DCC: variants seen among roughly 807,000 people sequenced by gnomAD.
DCC encodes the protein DCC netrin 1 receptor, also known as netrin receptor DCC.
A neutral mutation model predicts 172.5 loss-of-function variants in DCC; 58 were observed. The ratio of observed to expected loss-of-function variants is 0.34; its 90% CI spans 0.27 to 0.42. DCC has a LOEUF of 0.42. Ranked by LOEUF, DCC falls within the 10% of genes least tolerant of loss-of-function variation. The probability of loss-of-function intolerance (pLI) is 1.00; values close to 1 mark genes in which losing one functional copy is unlikely to be tolerated. For synonymous variants in DCC, 709 were observed against 644.5 expected, an observed-to-expected ratio of 1.10 and a Z score of -1.52; for missense variants, 1,740 against 1,791.0, an observed-to-expected ratio of 0.97 and a Z score of 0.51.
At chr18:52,965,965 A>G (rs755554468) in intron 5 of DCC, among the ~76,000 whole-genome samples, 2 of 152,184 alleles carry the variant, frequency 1.3e-5, no homozygotes, top group Non-Finnish European at 2.9e-5. Context: ...AGTACATTCA[A>G]TAAACTCCAC....
chr18:53,175,694 A>G lies in DCC; in HGVS notation c.1419-3268A>G, dbSNP rs1201951865. ...AATCAAAGAGGATACAAACAAATGG[A>G]AGAACATTCCATGCTCATGGGTAGG... is the stretch of plus-strand genomic sequence containing the variant. On this transcript the variant is annotated intron_variant, in intron 8 of 28. Transcript: ENST00000442544. Among the ~76,000 whole-genome samples, 5 of 152,166 alleles carry G rather than the reference A, an allele frequency of 3.3e-5. No individual in the cohort carries two copies. The East Asian group carries it at 9.6e-4, about 29-fold the overall frequency.
chr18:52,649,799 A>G (rs1253917432), intron 1 of DCC, among the ~76,000 whole-genome samples: 2 of 152,182 alleles, frequency 1.3e-5, no homozygotes, highest in Non-Finnish European at 2.9e-5. Flanking sequence ...TGTGGTACAC[A>G]TATATTAATT....
At chr18:53,147,387 G>A (rs575091186) in intron 7 of DCC, among the ~76,000 whole-genome samples, 3 of 152,228 alleles carry the variant, frequency 2.0e-5, no homozygotes, top group Non-Finnish European at 2.9e-5. Context: ...AACATGCTTC[G>A]TATACATATT....
intron 1 of DCC, among the ~76,000 whole-genome samples, chr18:52,722,777 A>G (rs1028304024): frequency 1.3e-5 from 2 of 152,046 alleles, no homozygotes; most frequent in Non-Finnish European, 2.9e-5. Context: ...TTTCACCACC[A>G]TTTTGAGGAT....
chr18:53,045,415 G>C (rs183519970), intron 5 of DCC, among the ~76,000 whole-genome samples: 1 of 151,922 alleles, frequency 6.6e-6, no homozygotes, highest in East Asian at 1.9e-4. Context: ...GGCTTGAAGA[G>C]TATTAGTCAC....
intron 1 of DCC, among the ~76,000 whole-genome samples, chr18:52,546,659 T>TATC (rs3086379): frequency 0.25 from 37,746 of 150,190 alleles, 5,196 homozygotes; most frequent in East Asian, 0.55. Context: ...TCAATAATAA[T>TATC]ATCATCATCA....
chr18:52,933,349 G>C (rs1275002242), intron 5 of DCC, among the ~76,000 whole-genome samples: 14 of 151,724 alleles, frequency 9.2e-5, no homozygotes. Flanking sequence ...AAGAGCTGTT[G>C]AGAAAGAGGA....
intron 5 of DCC, among the ~76,000 whole-genome samples, chr18:52,971,628 G>A (rs949626328): frequency 3.3e-5 from 5 of 152,020 alleles, no homozygotes; most frequent in African/African-American, 1.2e-4. Flanking sequence ...ACTCATTCTG[G>A]TGGGAGATGG....
intron 2 of DCC, among the ~76,000 whole-genome samples, chr18:52,765,618 C>T (rs1474685796): frequency 1.4e-5 from 2 of 145,470 alleles, no homozygotes; most frequent in Non-Finnish European, 2.9e-5. Flanking sequence ...GAGCATATTA[C>T]ACTGTATCTT....
At chr18:52,688,663 G>T in intron 1 of DCC, among the ~76,000 whole-genome samples, 1 of 151,970 alleles carries the variant, frequency 6.6e-6, no homozygotes, top group Middle Eastern at 3.4e-3. Flanking sequence ...ACAAAAAAAG[G>T]GTAACTGTAT....
At chr18:53,140,390 G>A (rs759118580) in intron 7 of DCC, among the ~76,000 whole-genome samples, 4 of 152,108 alleles carry the variant, frequency 2.6e-5, no homozygotes, top group Admixed American at 6.6e-5. Flanking sequence ...TGATGTTTCC[G>A]TATGGGTGGC....
intron 5 of DCC, among the ~76,000 whole-genome samples, chr18:53,042,357 A>G (rs1486961402): frequency 6.6e-6 from 1 of 151,974 alleles, no homozygotes; most frequent in East Asian, 1.9e-4. Context: ...TATGAATTCA[A>G]CTTGATCATG....
intron 1 of DCC, among the ~76,000 whole-genome samples, chr18:52,634,081 C>T (rs148027080): frequency 0.019 from 2,819 of 152,310 alleles, 42 homozygotes; most frequent in Middle Eastern, 0.038. Flanking sequence ...TCACTCTCTT[C>T]AGCATTAAAC....
intron 1 of DCC, among the ~76,000 whole-genome samples, chr18:52,575,846 TAGTA>T (rs1174046164): frequency 4.6e-5 from 7 of 152,134 alleles, no homozygotes; most frequent in Admixed American, 3.3e-4. Context: ...TCTTTGCCCT[TAGTA>T]AGTAAGTAAC....
chr18:52,555,958 G>A (rs1290540349), intron 1 of DCC, among the ~76,000 whole-genome samples: 2 of 152,068 alleles, frequency 1.3e-5, no homozygotes, highest in Non-Finnish European at 2.9e-5. Flanking sequence ...ATCATTGTGT[G>A]AATGTTTGCT....
intron 2 of DCC, among the ~76,000 whole-genome samples, chr18:52,802,788 G>A (rs990409128): frequency 5.3e-5 from 8 of 149,634 alleles, no homozygotes; most frequent in Non-Finnish European, 8.9e-5. Context: ...TTACAGACAG[G>A]CGCTACTGTA....
chr18:53,442,263 T>C (rs1568134745), intron 22 of DCC, among the ~76,000 whole-genome samples: 1 of 152,242 alleles, frequency 6.6e-6, no homozygotes, highest in Non-Finnish European at 1.5e-5. Flanking sequence ...TGCAAGACTA[T>C]TGGCAACATT....
intron 2 of DCC, among the ~76,000 whole-genome samples, chr18:52,775,273 C>T (rs8097121): frequency 0.13 from 19,519 of 152,124 alleles, 1,569 homozygotes; most frequent in Middle Eastern, 0.24. Flanking sequence ...GGGTTCCAAC[C>T]CCATGGCAGT....
chr18:52,598,855 T>C (rs1320593094), intron 1 of DCC, among the ~76,000 whole-genome samples: 2 of 152,180 alleles, frequency 1.3e-5, no homozygotes, highest in African/African-American at 2.4e-5. Flanking sequence ...GTTCTCTGCT[T>C]CCAAGATGGC....
Sources: allele counts gnomAD v4.1 joint callset (sites outside exome capture counted in the v4.1 genomes callset), GRCh38; gene constraint gnomAD v4.1.1; transcripts MANE v1.5; gene names NCBI Gene and HGNC (gene_info 2026-07-23, HGNC 2026-07-21).